Variants in CYP3A7 observed in about 807,000 individuals in gnomAD.
CYP3A7 encodes the protein cytochrome P450 family 3 subfamily A member 7.
Under a neutral mutation model 55.2 loss-of-function variants are expected in CYP3A7, and 45 were observed. The observed-to-expected ratio is 0.82, with a 90% CI of 0.64 to 1.05. The LOEUF (loss-of-function observed/expected upper bound fraction) is 1.05, where lower values mean the gene tolerates loss of function less well. CYP3A7 is among the 50% of genes least tolerant of loss of function. The pLI is 0.00. For missense variants in CYP3A7, 548 were observed against 605.3 expected (o/e 0.91, Z 0.99); for synonymous variants, 180 against 207.4 (o/e 0.87, Z 1.13).
chr7:99,714,668 G>A lies in CYP3A7; in HGVS notation c.685C>T (p.Leu229Phe). 1 of 1,612,202 alleles carries A rather than the reference G, an allele frequency of 6.2e-7. No individual in the cohort carries two copies. Among genetic ancestry groups the A allele is most frequent in the Non-Finnish European group, 8.5e-7 (1 of 1,179,224 alleles). ...FVLSIKVFPF[L>F]TPILEALNIT... is the part of the protein sequence containing the mutation. Reference sequence around the variant, plus strand: ...TTTAATGCTTCAAGAATTGGGGTAAGGAATGGAAAGACTTCTGTAGAAAAA... The same window carrying A: ...TTTAATGCTTCAAGAATTGGGGTAAAGAATGGAAAGACTTCTGTAGAAAAA... Residue 229 changes from leucine to phenylalanine, a missense_variant, in exon 8 of 13, where the codon CTT becomes TTT. Physicochemically the swap from Leu to Phe is conservative, Grantham distance 22 (BLOSUM62 0). Transcript: ENST00000336374.
intron 6 of CYP3A7, among the ~76,000 whole-genome samples, chr7:99,716,830 A>G (rs527973071): frequency 8.5e-5 from 13 of 152,280 alleles, no homozygotes; most frequent in African/African-American, 3.1e-4. Context: ...AACAGATACC[A>G]AGTGCCTTCC....
In CYP3A7 at chr7:99,731,183, G is replaced by C. The variant is rs773425166; in HGVS notation, c.72-31C>G. Reference sequence around the variant, plus strand: ...AAGTGAAACAAAAATCAGGTCTCAGGGATTGTGACTTTATAGATATAGGGG... The same window carrying C: ...AAGTGAAACAAAAATCAGGTCTCAGCGATTGTGACTTTATAGATATAGGGG... On this transcript the variant is annotated intron_variant, in intron 1 of 12. Coordinates refer to ENST00000336374, the MANE Select transcript of CYP3A7 (RefSeq NM_000765.5). The C allele has an allele frequency of 3.1e-6, 5 of 1,612,732 alleles. No individual in the cohort carries two copies. In the South Asian group the frequency reaches 5.5e-5, roughly 18 times the overall value.
chr7:99,734,853 C>T (rs1814768774), intron 1 of CYP3A7, among the ~76,000 whole-genome samples, 170 bp downstream of exon 1: 1 of 152,128 alleles, frequency 6.6e-6, no homozygotes, highest in Non-Finnish European at 1.5e-5. Context: ...AACTCCTGAC[C>T]TCAGGCAGTC....
chr7:99,722,381 T>C, intron 2 of CYP3A7, 33 bp from the exon 3 acceptor site: 1 of 1,610,876 alleles, frequency 6.2e-7, no homozygotes, highest in Middle Eastern at 1.7e-4. Context: ...ATTTCATTAT[T>C]ATTTTAAGTG....
At chr7:99,710,003 A>G (rs1813686116) in intron 10 of CYP3A7, among the ~76,000 whole-genome samples, 1 of 152,094 alleles carries the variant, frequency 6.6e-6, no homozygotes, top group Non-Finnish European at 1.5e-5. Context: ...ATAGAACCCC[A>G]CACAGCCCTG....
intron 3 of CYP3A7, among the ~76,000 whole-genome samples, chr7:99,721,742 C>CGTGTGT (rs45490295): frequency 6.6e-6 from 1 of 151,266 alleles, no homozygotes; most frequent in African/African-American, 2.4e-5. Context: ...AATTATGACA[C>CGTGTGT]GTGTGTGTGT....
intron 6 of CYP3A7, among the ~76,000 whole-genome samples, chr7:99,716,155 A>G (rs556390918): frequency 1.2e-4 from 18 of 152,286 alleles, no homozygotes; most frequent in Non-Finnish European, 2.2e-4. Flanking sequence ...GAGGTCAAGG[A>G]GCCTAGTCAT....
intron 9 of CYP3A7, 102 bp downstream of exon 9, chr7:99,713,367 G>A: frequency 6.5e-7 from 1 of 1,547,996 alleles, no homozygotes; most frequent in South Asian, 1.1e-5. Context: ...CTGCTATGTG[G>A]CAGAAATTCT....
Position 99,705,211 on chromosome 7 carries a change from G to A in CYP3A7, c.*289C>T, listed in dbSNP as rs1392901691. Reference sequence around the variant, plus strand: ...TGTTAATTATGTTATCAGAGCTCAGGAGGAGTTAATGGTGCTAACTGGGGG... The same window carrying A: ...TGTTAATTATGTTATCAGAGCTCAGAAGGAGTTAATGGTGCTAACTGGGGG... On this transcript the variant is annotated 3_prime_UTR_variant, in exon 13 of 13. Transcript: ENST00000336374. 6.0e-6 allele frequency: 2 copies of A among 332,142 alleles called. No homozygotes were observed. Among genetic ancestry groups the A allele is most frequent in the Non-Finnish European group, 1.1e-5 (2 of 176,630 alleles). The allele number at this position is 332,142 out of a possible 1,614,324, so 20.6% of individuals were successfully genotyped here. A position where few individuals can be genotyped will look rare whatever the true frequency, so the allele number is the denominator to read the frequency against.
chr7:99,730,921 C>T, intron 2 of CYP3A7, 138 bp downstream of exon 2: 2 of 1,190,172 alleles, frequency 1.7e-6, no homozygotes, highest in Middle Eastern at 2.3e-4. Flanking sequence ...CTTTGCCACG[C>T]TCTGGGTGAT....
intron 12 of CYP3A7, 58 bp from the exon 13 acceptor site, chr7:99,705,653 T>A: frequency 1.3e-6 from 2 of 1,596,712 alleles, no homozygotes; most frequent in Non-Finnish European, 1.7e-6. Context: ...GTAGAAAGTA[T>A]AGCATCAAAG....
Position 99,708,939 on chromosome 7 carries a change from C to A in CYP3A7, c.1253+96G>T, listed in dbSNP as rs937192032. Reference sequence around the variant, plus strand: ...AACCTTTTAAACATAAAAAGACAAGCAAACGATTGTACAAGCCCAGACTGT... The same window carrying A: ...AACCTTTTAAACATAAAAAGACAAGAAAACGATTGTACAAGCCCAGACTGT... On this transcript the variant is annotated intron_variant, in intron 11 of 12. Coordinates refer to ENST00000336374, the MANE Select transcript of CYP3A7 (RefSeq NM_000765.5). The A allele has an allele frequency of 2.9e-6, 4 of 1,369,042 alleles. No individual in the cohort carries two copies. In the African/African-American group the frequency reaches 5.7e-5, roughly 20 times the overall value. 84.8% of individuals were successfully genotyped at this position (1,369,042 alleles called of 1,614,324 possible).
chr7:99,723,271 A>G (rs567640332), intron 2 of CYP3A7, among the ~76,000 whole-genome samples: 24 of 152,272 alleles, frequency 1.6e-4, no homozygotes, highest in African/African-American at 5.5e-4. Context: ...ACAACGTTCC[A>G]TTATGACTTG....
chr7:99,725,141 CTAAAGGAAACTACCCAAGG>C (rs1814360150), intron 2 of CYP3A7, among the ~76,000 whole-genome samples: 1 of 152,124 alleles, frequency 6.6e-6, no homozygotes, highest in South Asian at 2.1e-4. Context: ...TTATGACAAG[CTAAAGGAAACTACCCAAGG>C]TAAAGATGAA....
intron 4 of CYP3A7, among the ~76,000 whole-genome samples, chr7:99,719,315 A>G (rs908191074): frequency 6.6e-6 from 1 of 152,210 alleles, no homozygotes; most frequent in African/African-American, 2.4e-5. Context: ...ACAGTGATCA[A>G]TGGGACAGAA....
At chr7:99,725,635 G>A (rs1814383222) in intron 2 of CYP3A7, among the ~76,000 whole-genome samples, 1 of 152,202 alleles carries the variant, frequency 6.6e-6, no homozygotes, top group Non-Finnish European at 1.5e-5. Flanking sequence ...ATTAGAGGTT[G>A]GACTGTCTGA....
rs182057179 is a variant in CYP3A7 at position 99,712,226 on chromosome 7, C to T, written c.865+1243G>A. Among the ~76,000 whole-genome samples, 423 of 152,174 alleles carry T rather than the reference C, an allele frequency of 2.8e-3. 2 individuals are homozygous for T. The highest frequency in any genetic ancestry group is 0.01 in the Middle Eastern group (3 of 294). ...ATGTAACTCACCACCAAAACCAATACGAAAGGAGTGTGAGAAATGTCAACA... is the reference window on the plus strand; with the variant it reads ...ATGTAACTCACCACCAAAACCAATATGAAAGGAGTGTGAGAAATGTCAACA... On this transcript the variant is annotated intron_variant, in intron 9 of 12. Transcript: ENST00000336374.
chr7:99,722,294 A>G lies in CYP3A7; in HGVS notation c.218+2T>C. On this transcript the variant is annotated splice_donor_variant, in intron 3 of 12. Transcript: ENST00000336374. LOFTEE classifies it high-confidence loss of function. ...TCCAATGGAATCTTCCAGAATACTCACCCCCAGACTTTTCTATACTTTTTA... is the reference window on the plus strand; with the variant it reads ...TCCAATGGAATCTTCCAGAATACTCGCCCCCAGACTTTTCTATACTTTTTA... The G allele has an allele frequency of 6.2e-7, 1 of 1,613,296 alleles. No individual in the cohort carries two copies. The highest frequency in any genetic ancestry group is 8.5e-7 in the Non-Finnish European group (1 of 1,179,576).
At chr7:99,713,962 T>G (rs1028157650) in intron 8 of CYP3A7, among the ~76,000 whole-genome samples, 4 of 152,168 alleles carry the variant, frequency 2.6e-5, no homozygotes, top group African/African-American at 9.7e-5. Flanking sequence ...TACCCCTTCT[T>G]GCCCCCCTGA....
Sources: gnomAD v4.1 joint callset for allele counts (sites outside exome capture counted in the v4.1 genomes callset) on GRCh38, gnomAD v4.1.1 for gene constraint, MANE v1.5 for transcripts, NCBI Gene and HGNC (gene_info 2026-07-23, HGNC 2026-07-21) for gene names.